RNF2: variants seen among roughly 807,000 people sequenced by gnomAD.
The protein encoded by RNF2 is E3 ubiquitin-protein ligase RING2.
A neutral mutation model predicts 37.2 loss-of-function variants in RNF2; 6 were observed. The observed-to-expected ratio is 0.16, with a 90% CI of 0.09 to 0.32. The LOEUF (loss-of-function observed/expected upper bound fraction) is 0.32. Among genes scored for constraint, RNF2 ranks in the 10% least tolerant of loss-of-function variants. The pLI is 1.00. For missense variants in RNF2, 251 were observed against 404.0 expected (o/e 0.62, Z 3.25); for synonymous variants, 133 against 132.7 (o/e 1.00, Z -0.02).
At chr1:185,084,552 C>G (rs1470725625) in intron 1 of RNF2, among the ~76,000 whole-genome samples, 1 of 152,164 alleles carries the variant, frequency 6.6e-6, no homozygotes, top group Non-Finnish European at 1.5e-5. Flanking sequence ...GTTTTCAAGT[C>G]AGTTTTATTT....
At chr1:185,090,685 C>T (rs1651741749) in intron 2 of RNF2, among the ~76,000 whole-genome samples, 1 of 152,190 alleles carries the variant, frequency 6.6e-6, no homozygotes, top group Non-Finnish European at 1.5e-5. Flanking sequence ...TTTATACCTG[C>T]ATCTTCCTTT....
intron 2 of RNF2, among the ~76,000 whole-genome samples, chr1:185,090,133 G>C (rs1234122594): frequency 6.6e-6 from 1 of 152,090 alleles, no homozygotes; most frequent in African/African-American, 2.4e-5. Context: ...TGTTGGTCAG[G>C]CTGGTCTCGA....
intron 1 of RNF2, among the ~76,000 whole-genome samples, chr1:185,078,104 A>G (rs933394756): frequency 3.9e-5 from 6 of 152,154 alleles, no homozygotes; most frequent in African/African-American, 1.4e-4. Flanking sequence ...GAAATTAGCC[A>G]GGTGTAGTGG....
intron 1 of RNF2, chr1:185,046,092 C>T (rs1467384122): frequency 1.3e-5 from 2 of 151,378 alleles, no homozygotes; most frequent in African/African-American, 2.4e-5. Flanking sequence ...CGCCTCGCAG[C>T]TAGGGATGTG....
At chr1:185,048,091 C>G (rs1557956673) in intron 1 of RNF2, among the ~76,000 whole-genome samples, 1 of 152,094 alleles carries the variant, frequency 6.6e-6, no homozygotes, top group Non-Finnish European at 1.5e-5. Flanking sequence ...ACTGGGTCTT[C>G]TGGTATTTCT....
chr1:185,080,040 G>T (rs1350896171), intron 1 of RNF2, among the ~76,000 whole-genome samples: 1 of 152,156 alleles, frequency 6.6e-6, no homozygotes, highest in Non-Finnish European at 1.5e-5. Context: ...TCTTTAGGCT[G>T]TTGGGATCTA....
chr1:185,098,316 A>T lies in RNF2; in HGVS notation c.709A>T (p.Met237Leu). The T allele has an allele frequency of 6.2e-7, 1 of 1,614,204 alleles. No individual in the cohort carries two copies. The highest frequency in any genetic ancestry group is 8.5e-7 in the Non-Finnish European group (1 of 1,180,028). ...AGTATTCAGGCCTCATCCCACACTT[A>T]TGGAAAAAGATGACAGTGCACAGAC... ...ELVFRPHPTL[M>L]EKDDSAQTRY... The change falls in exon 5 of 7, where the codon ATG (methionine) becomes TTG (leucine). Residue 237 changes from methionine to leucine, a missense_variant. This residue lies in a region of RNF2 where 94 missense variants were observed against 99.2 expected (regional missense o/e 0.95). Transcript: ENST00000367510.
At chr1:185,082,366 T>TTTTTTTTTTTTTTTTTTTTTTTTTTTTTC (rs1651449759) in intron 1 of RNF2, among the ~76,000 whole-genome samples, 1 of 109,796 alleles carries the variant, frequency 9.1e-6, no homozygotes, top group East Asian at 2.2e-4. Context: ...TTTTTTTTTT[T>TTTTTTTTTTTTTTTTTTTTTTTTTTTTTC]TGAAGACAGA....
intron 1 of RNF2, among the ~76,000 whole-genome samples, chr1:185,077,952 G>A (rs1016158546): frequency 4.6e-5 from 7 of 152,048 alleles, no homozygotes; most frequent in Non-Finnish European, 1.0e-4. Flanking sequence ...CATTTATAAA[G>A]GACAAGTAAG....
chr1:185,084,202 C>T (rs1410755473), intron 1 of RNF2, among the ~76,000 whole-genome samples: 1 of 151,798 alleles, frequency 6.6e-6, no homozygotes, highest in Non-Finnish European at 1.5e-5. Context: ...GCCACCATAG[C>T]CACCCAGTCT....
chr1:185,056,385 G>A (rs1650435101), intron 1 of RNF2, among the ~76,000 whole-genome samples: 1 of 150,228 alleles, frequency 6.7e-6, no homozygotes, highest in Non-Finnish European at 1.5e-5. Context: ...TAGAGACAGG[G>A]CCTCCCTCTG....
intron 1 of RNF2, among the ~76,000 whole-genome samples, chr1:185,076,167 G>T (rs1292788925): frequency 6.7e-6 from 1 of 148,828 alleles, no homozygotes; most frequent in African/African-American, 2.5e-5. Context: ...TTGTATGCAG[G>T]ATTTAAAATT....
chr1:185,050,278 T>C (rs939770553), intron 1 of RNF2, among the ~76,000 whole-genome samples: 9 of 152,218 alleles, frequency 5.9e-5, no homozygotes, highest in African/African-American at 2.2e-4. Flanking sequence ...TACTGTACAG[T>C]GTTTTCAGTG....
At chr1:185,045,698 G>A (rs1473864490) in intron 1 of RNF2, 49 bp downstream of exon 1, 1 of 152,436 alleles carries the variant, frequency 6.6e-6, no homozygotes, top group Non-Finnish European at 1.5e-5. Flanking sequence ...AGCGGGCCGG[G>A]ACACGCGTCT....
intron 1 of RNF2, among the ~76,000 whole-genome samples, chr1:185,082,883 A>T (rs558357459): frequency 3.9e-4 from 60 of 152,386 alleles, no homozygotes; most frequent in African/African-American, 1.4e-3. Context: ...ATAAAGTGAG[A>T]AATGCCCATT....
chr1:185,063,199 C>G (rs1448378195), intron 1 of RNF2, among the ~76,000 whole-genome samples: 1 of 152,118 alleles, frequency 6.6e-6, no homozygotes, highest in African/African-American at 2.4e-5. Context: ...CCAGATGTTT[C>G]TTAGGTCACT....
At chr1:185,048,062 C>T (rs1204137872) in intron 1 of RNF2, among the ~76,000 whole-genome samples, 1 of 152,078 alleles carries the variant, frequency 6.6e-6, no homozygotes, top group Non-Finnish European at 1.5e-5. Flanking sequence ...GTCTTCTACC[C>T]TTTCTACCTA....
intron 1 of RNF2, among the ~76,000 whole-genome samples, chr1:185,080,444 C>A (rs1031969162): frequency 2.6e-5 from 4 of 152,150 alleles, no homozygotes; most frequent in Non-Finnish European, 4.4e-5. Flanking sequence ...AGCAAAGAGA[C>A]ACTAATTCTC....
chr1:185,099,748 G>T, intron 5 of RNF2, 43 bp from the exon 6 acceptor site: 1 of 1,513,262 alleles, frequency 6.6e-7, no homozygotes, highest in Non-Finnish European at 9.1e-7. Context: ...TTTTCTCATT[G>T]GCATATTCTA....
Sources: gnomAD v4.1 joint callset for allele counts (sites outside exome capture counted in the v4.1 genomes callset) on GRCh38, gnomAD v4.1.1 for gene constraint, gnomAD v4.1.1 regional missense constraint, MANE v1.5 for transcripts, NCBI Gene and HGNC (gene_info 2026-07-23, HGNC 2026-07-21) for gene names.